Variants in SLC35F1 observed in about 807,000 individuals in gnomAD.
SLC35F1 encodes the protein chromosome 6 open reading frame 169.
A neutral mutation model predicts 48.7 loss-of-function variants in SLC35F1; 14 were observed. That is an observed-to-expected ratio of 0.29 (90% CI 0.19 to 0.45). The LOEUF (loss-of-function observed/expected upper bound fraction) is 0.45, where lower values mean the gene tolerates loss of function less well. Ranked by LOEUF, SLC35F1 falls within the 20% of genes least tolerant of loss-of-function variation. The pLI is 1.00. For missense variants in SLC35F1, 404 were observed against 500.0 expected, an observed-to-expected ratio of 0.81 and a Z score of 1.83; for synonymous variants, 190 against 202.2, an observed-to-expected ratio of 0.94 and a Z score of 0.51.
intron 1 of SLC35F1, among the ~76,000 whole-genome samples, chr6:118,134,166 C>T (rs1773758775): frequency 6.6e-6 from 1 of 152,162 alleles, no homozygotes. Flanking sequence ...GAGAAACTGC[C>T]TGTGCAGGGA....
intron 1 of SLC35F1, among the ~76,000 whole-genome samples, chr6:118,052,160 A>T (rs966954417): frequency 2.0e-5 from 3 of 152,104 alleles, no homozygotes; most frequent in African/African-American, 7.2e-5. Context: ...ATGGTCAAAA[A>T]TAACAACCTG....
At chr6:118,076,058 A>T (rs1329822539) in intron 1 of SLC35F1, among the ~76,000 whole-genome samples, 1 of 152,182 alleles carries the variant, frequency 6.6e-6, no homozygotes, top group Non-Finnish European at 1.5e-5. Flanking sequence ...TCTGCTGGAA[A>T]AAAAAACAAA....
chr6:118,166,391 G>T (rs536353520), intron 2 of SLC35F1, among the ~76,000 whole-genome samples: 1 of 152,124 alleles, frequency 6.6e-6, no homozygotes, highest in Non-Finnish European at 1.5e-5. Context: ...AAAGCAGCAG[G>T]TTCTATACCT....
intron 2 of SLC35F1, among the ~76,000 whole-genome samples, chr6:118,197,103 T>C (rs1774812684): frequency 6.6e-6 from 1 of 151,876 alleles, no homozygotes; most frequent in Non-Finnish European, 1.5e-5. Flanking sequence ...TATCAAAACA[T>C]CAAGTTTTAC....
intron 1 of SLC35F1, among the ~76,000 whole-genome samples, chr6:118,136,866 T>C (rs920374739): frequency 1.3e-5 from 2 of 152,246 alleles, no homozygotes; most frequent in Non-Finnish European, 2.9e-5. Context: ...ATGAAATATG[T>C]ATCACAGCAG....
chr6:118,231,552 A>T (rs961289412), intron 2 of SLC35F1, among the ~76,000 whole-genome samples: 2 of 152,232 alleles, frequency 1.3e-5, no homozygotes, highest in Admixed American at 6.5e-5. Context: ...AAAATAAAAA[A>T]GCCTTCCTCT....
chr6:118,099,271 C>A (rs1773222449), intron 1 of SLC35F1, among the ~76,000 whole-genome samples: 1 of 152,176 alleles, frequency 6.6e-6, no homozygotes, highest in Non-Finnish European at 1.5e-5. Context: ...TATGGAAGGC[C>A]TGTGAAAACA....
intron 1 of SLC35F1, among the ~76,000 whole-genome samples, chr6:117,915,517 A>G (rs1775815598): frequency 1.3e-5 from 2 of 152,010 alleles, no homozygotes; most frequent in South Asian, 4.2e-4. Context: ...GGGAGGTGAG[A>G]CAGGATGAGC....
At chr6:118,307,710 T>C (rs1052208543) in intron 7 of SLC35F1, among the ~76,000 whole-genome samples, 4 of 152,220 alleles carry the variant, frequency 2.6e-5, no homozygotes, top group Non-Finnish European at 5.9e-5. Context: ...CGTTTTTCCA[T>C]GGAGCCAGGT....
At chr6:118,150,709 T>C (rs1453017113) in intron 1 of SLC35F1, among the ~76,000 whole-genome samples, 1 of 152,216 alleles carries the variant, frequency 6.6e-6, no homozygotes, top group Non-Finnish European at 1.5e-5. Context: ...TGTAAGTTAT[T>C]ATGCAAATAA....
At chr6:118,044,647 T>A (rs1319550197) in intron 1 of SLC35F1, among the ~76,000 whole-genome samples, 1 of 152,092 alleles carries the variant, frequency 6.6e-6, no homozygotes, top group East Asian at 1.9e-4. Flanking sequence ...AATTACCAAT[T>A]AATAGCCAAA....
chr6:117,926,837 A>G (rs1171764038), intron 1 of SLC35F1, among the ~76,000 whole-genome samples: 3 of 152,190 alleles, frequency 2.0e-5, no homozygotes, highest in Non-Finnish European at 4.4e-5. Context: ...GGCTGCCTGC[A>G]GTATAAACAG....
At position 117,966,302 on chromosome 6, in the gene SLC35F1, G is replaced by A. The variant is rs544781150; in HGVS notation, c.173+58403G>A. 1.2e-3 allele frequency among the ~76,000 whole-genome samples: 178 copies of A among 152,316 alleles called. 1 individual carries two copies. Among genetic ancestry groups the A allele is most frequent in the Non-Finnish European group, 2.1e-3 (143 of 68,034 alleles). On this transcript the variant is annotated intron_variant, in intron 1 of 7. Coordinates refer to ENST00000360388, the MANE Select transcript of SLC35F1 (RefSeq NM_001029858.4). ...GTAACACTCACGGCAAAGGTCTTCA[G>A]CTTCGCTCCTGAAGTCAGCGAGACC...
rs539257376 is a variant in SLC35F1 at position 117,996,118 on chromosome 6, G to A, written c.173+88219G>A. ...ATATAAATAATTGTCTATTTAATAT[G>A]ATTACTTCTTCTGAAATACCCACAT... On this transcript the variant is annotated intron_variant, in intron 1 of 7. Transcript: ENST00000360388. Among the ~76,000 whole-genome samples the A allele has an allele frequency of 2.0e-5, 3 of 152,144 alleles. No individual in the cohort carries two copies. In the South Asian group the frequency reaches 6.2e-4, roughly 32 times the overall value.
chr6:118,066,795 GA>G (rs1772621806), intron 1 of SLC35F1, among the ~76,000 whole-genome samples: 2 of 149,708 alleles, frequency 1.3e-5, no homozygotes, highest in Non-Finnish European at 3.0e-5. Flanking sequence ...ACCCAGGCTG[GA>G]ATGCAATGGC....
Position 118,106,761 on chromosome 6 carries a change from A to C in SLC35F1, c.174-47684A>C, listed in dbSNP as rs556417371. On this transcript the variant is annotated intron_variant, in intron 1 of 7. Coordinates refer to ENST00000360388, the MANE Select transcript of SLC35F1 (RefSeq NM_001029858.4). ...TCTGTAACCAATAGGCTATGCCTCCAACTCAGATTTTATTTTCTCCCACTT... is the reference window on the plus strand; with the variant it reads ...TCTGTAACCAATAGGCTATGCCTCCCACTCAGATTTTATTTTCTCCCACTT... Among the ~76,000 whole-genome samples the C allele has an allele frequency of 5.9e-5, 9 of 152,296 alleles. No individual in the cohort carries two copies. The South Asian group carries it at 1.9e-3, about 32-fold the overall frequency.
At chr6:118,193,400 T>G (rs1774758494) in intron 2 of SLC35F1, among the ~76,000 whole-genome samples, 1 of 152,142 alleles carries the variant, frequency 6.6e-6, no homozygotes, top group Admixed American at 6.5e-5. Flanking sequence ...CCCTTTAACT[T>G]TAGTCAGTGT....
At chr6:118,140,552 GTATTTAC>G (rs1315952423) in intron 1 of SLC35F1, among the ~76,000 whole-genome samples, 1 of 150,918 alleles carries the variant, frequency 6.6e-6, no homozygotes, top group African/African-American at 2.4e-5. Flanking sequence ...ATTGGTTTAT[GTATTTAC>G]TATACTATAC....
chr6:118,306,092 C>T (rs283047), intron 7 of SLC35F1, among the ~76,000 whole-genome samples: 105,891 of 151,990 alleles, frequency 0.7, 37,521 homozygotes, highest in Middle Eastern at 0.8. Flanking sequence ...AGTTTCCCCT[C>T]GGTAATTAAG....
Sources: gnomAD v4.1 joint callset for allele counts (sites outside exome capture counted in the v4.1 genomes callset) on GRCh38, gnomAD v4.1.1 for gene constraint, MANE v1.5 for transcripts, NCBI Gene and HGNC (gene_info 2026-07-23, HGNC 2026-07-21) for gene names.